The following AKT3 variants were observed in gnomAD, a reference collection of about 807,000 sequenced individuals.
The protein encoded by AKT3 is AKT serine/threonine kinase 3.
In AKT3, 15 loss-of-function variants were observed where a neutral mutation model predicts 65.3. That is an observed-to-expected ratio of 0.23 (90% CI 0.15 to 0.35). The LOEUF (loss-of-function observed/expected upper bound fraction) is 0.35. Among genes scored for constraint, AKT3 ranks in the 10% least tolerant of loss-of-function variants. The pLI is 1.00. For synonymous variants in AKT3, 206 were observed against 183.8 expected, an observed-to-expected ratio of 1.12 and a Z score of -0.98; for missense variants, 243 against 576.5, an observed-to-expected ratio of 0.42 and a Z score of 5.92.
At chr1:243,549,081 C>A (rs1293143817) in intron 11 of AKT3, among the ~76,000 whole-genome samples, 1 of 152,150 alleles carries the variant, frequency 6.6e-6, no homozygotes, top group African/African-American at 2.4e-5. Flanking sequence ...GCCACTACTG[C>A]CTTGGCTCTA....
At chr1:243,711,089 G>C (rs1414641888) in intron 2 of AKT3, among the ~76,000 whole-genome samples, 1 of 152,234 alleles carries the variant, frequency 6.6e-6, no homozygotes, top group African/African-American at 2.4e-5. Flanking sequence ...GGGAGGCCAA[G>C]GCGGGTGGTT....
At chr1:243,842,173 G>T (rs995045565) in intron 2 of AKT3, among the ~76,000 whole-genome samples, 2 of 152,074 alleles carry the variant, frequency 1.3e-5, no homozygotes, top group East Asian at 3.8e-4. Context: ...ACTTAATAAG[G>T]CTCATTTAAA....
chr1:243,695,515 T>G, intron 3 of AKT3, 76 bp downstream of exon 3: 1 of 1,358,246 alleles, frequency 7.4e-7, no homozygotes, highest in Non-Finnish European at 9.9e-7. Context: ...GTTTCTCATA[T>G]AGCCTAAGAT....
intron 2 of AKT3, among the ~76,000 whole-genome samples, chr1:243,746,734 CAGAG>C (rs552165881): frequency 6.6e-6 from 1 of 152,118 alleles, no homozygotes; most frequent in South Asian, 2.1e-4. Context: ...TTATTAGAGA[CAGAG>C]AGAGAACGAA....
chr1:243,651,363 T>C (rs1457390157), intron 4 of AKT3, among the ~76,000 whole-genome samples: 3 of 152,220 alleles, frequency 2.0e-5, no homozygotes, highest in Non-Finnish European at 4.4e-5. Context: ...ACTTCCTCTC[T>C]TCCTATTTGA....
At chr1:243,745,772 C>T (rs980230573) in intron 2 of AKT3, among the ~76,000 whole-genome samples, 7 of 152,050 alleles carry the variant, frequency 4.6e-5, no homozygotes, top group Non-Finnish European at 1.0e-4. Context: ...GACTGGACAC[C>T]CCTGCTAAAC....
At chr1:243,773,042 T>TG (rs1197560407) in intron 2 of AKT3, among the ~76,000 whole-genome samples, 1 of 25,216 alleles carries the variant, frequency 4.0e-5, no homozygotes, top group Non-Finnish European at 7.1e-5. Context: ...TGTTGTGGGG[T>TG]GGGGGGAGGG....
intron 2 of AKT3, among the ~76,000 whole-genome samples, chr1:243,776,866 A>C (rs1040315346): frequency 1.3e-5 from 2 of 152,208 alleles, no homozygotes; most frequent in Non-Finnish European, 2.9e-5. Context: ...AGGAATTCGT[A>C]TATCTAATAA....
intron 8 of AKT3, among the ~76,000 whole-genome samples, chr1:243,606,929 T>C (rs536230095): frequency 6.6e-6 from 1 of 152,354 alleles, no homozygotes; most frequent in East Asian, 1.9e-4. Context: ...GCTCAGGCCA[T>C]TGCTTCAGAG....
chr1:243,492,466 T>G (rs921011815), intron 13 of AKT3, among the ~76,000 whole-genome samples: 1 of 151,434 alleles, frequency 6.6e-6, no homozygotes, highest in Non-Finnish European at 1.5e-5. Flanking sequence ...CACACCTAGC[T>G]AATTTTTTTG....
In AKT3 at chr1:243,606,204, G is replaced by A. The variant is rs115480375; in HGVS notation, c.696+7467C>T. On this transcript the variant is annotated intron_variant, in intron 8 of 13. Transcript: ENST00000673466. ...GTACCACAGAGAGTGTGGTGCTGCT[G>A]TAAAGATACCCAAAAATGTAAAAAC... Among the ~76,000 whole-genome samples, 553 of 152,260 alleles carry A rather than the reference G, an allele frequency of 3.6e-3. 4 individuals are homozygous for A. Among genetic ancestry groups the A allele is most frequent in the African/African-American group, 0.012 (514 of 41,552 alleles).
chr1:243,499,562 A>G (rs190739861), downstream of AKT3, among the ~76,000 whole-genome samples: 399 of 152,308 alleles, frequency 2.6e-3, 1 homozygote, highest in Non-Finnish European at 4.7e-3. Flanking sequence ...AGTTAACCTT[A>G]TTTCATATGT....
chr1:243,698,809 A>T (rs1685225228), intron 2 of AKT3, among the ~76,000 whole-genome samples: 1 of 152,042 alleles, frequency 6.6e-6, no homozygotes. Flanking sequence ...TCCAATAAAG[A>T]CTACTAAATC....
chr1:243,714,040 CCT>C (rs1209938610), intron 2 of AKT3, among the ~76,000 whole-genome samples: 2 of 151,994 alleles, frequency 1.3e-5, no homozygotes, highest in African/African-American at 4.8e-5. Flanking sequence ...TGGGTTTTTT[CCT>C]CTCTTTTTAA....
intron 2 of AKT3, among the ~76,000 whole-genome samples, chr1:243,752,177 G>A (rs188952002): frequency 2.0e-5 from 3 of 151,928 alleles, no homozygotes; most frequent in Admixed American, 6.6e-5. Context: ...TTTTAACTAA[G>A]AAAAAAATTT....
intron 8 of AKT3, among the ~76,000 whole-genome samples, chr1:243,595,372 A>C (rs1182093743): frequency 2.6e-5 from 4 of 152,242 alleles, no homozygotes; most frequent in African/African-American, 9.6e-5. Context: ...TGGCGAGTGA[A>C]TATGAAGGCC....
intron 2 of AKT3, among the ~76,000 whole-genome samples, chr1:243,825,539 C>G (rs984042853): frequency 2.1e-4 from 32 of 152,126 alleles, no homozygotes; most frequent in Non-Finnish European, 4.6e-4. Context: ...ACTGTAACAC[C>G]TAATACTTCA....
intron 3 of AKT3, among the ~76,000 whole-genome samples, chr1:243,685,874 A>G (rs1358805384): frequency 6.6e-6 from 1 of 152,158 alleles, no homozygotes; most frequent in Non-Finnish European, 1.5e-5. Context: ...CTCAGCCCCA[A>G]TCTCCTTAAG....
intron 2 of AKT3, among the ~76,000 whole-genome samples, chr1:243,753,883 A>T (rs1468003612): frequency 6.6e-6 from 1 of 152,212 alleles, no homozygotes; most frequent in Non-Finnish European, 1.5e-5. Flanking sequence ...TCTATAAAGC[A>T]AAGATGGAGA....
Sources: allele counts gnomAD v4.1 joint callset (sites outside exome capture counted in the v4.1 genomes callset), GRCh38; gene constraint gnomAD v4.1.1; transcripts MANE v1.5; gene names NCBI Gene and HGNC (gene_info 2026-07-23, HGNC 2026-07-21).